The following NEMP2 variants were observed in gnomAD, a reference collection of about 807,000 sequenced individuals.
NEMP2 encodes the protein nuclear envelope integral membrane protein 2.
NEMP2 carries 53 observed loss-of-function variants against 54.2 expected under a neutral mutation model. The observed-to-expected ratio is 0.98, with a 90% CI of 0.78 to 1.23. NEMP2 has a LOEUF of 1.23. Ranked by LOEUF, NEMP2 falls within the 50% of genes most tolerant of loss-of-function variation. The pLI is 0.00. For synonymous variants in NEMP2, 197 were observed against 190.3 expected (o/e 1.04, Z -0.29); for missense variants, 455 against 511.3 (o/e 0.89, Z 1.06).
chr2:190,469,313 A>G, the NEMP2 span, among the ~76,000 whole-genome samples: 2 of 152,150 alleles, frequency 1.3e-5, no homozygotes, highest in African/African-American at 4.8e-5. The surrounding 1 kb of genome is among the most constrained non-coding windows in gnomAD (Gnocchi z 5.3). Context: ...TCGTGTTTAC[A>G]TATTCTCATT....
chr2:190,638,435 C>G, the NEMP2 span, among the ~76,000 whole-genome samples: 1 of 152,042 alleles, frequency 6.6e-6, no homozygotes, highest in South Asian at 2.1e-4. The surrounding 1 kb of genome is among the most constrained non-coding windows in gnomAD (Gnocchi z 5.7). Flanking sequence ...CTGCTTGGTG[C>G]TCAGAGGATC....
chr2:190,449,741 A>G, the NEMP2 span, among the ~76,000 whole-genome samples: 2 of 152,194 alleles, frequency 1.3e-5, no homozygotes, highest in Non-Finnish European at 2.9e-5. Context: ...GGAAATCATC[A>G]TTCTCAGTAA....
At chr2:190,471,901 G>A in the NEMP2 span, among the ~76,000 whole-genome samples, 1 of 152,184 alleles carries the variant, frequency 6.6e-6, no homozygotes, top group Non-Finnish European at 1.5e-5. This position sits in a 1 kb window ranked among gnomAD's most constrained non-coding sequence, Gnocchi z 4.7. Context: ...ACTTCCAGAG[G>A]AACGATCAGG....
the NEMP2 span, among the ~76,000 whole-genome samples, chr2:190,440,993 C>T: frequency 2.0e-3 from 307 of 152,242 alleles, no homozygotes; most frequent in South Asian, 8.5e-3. Flanking sequence ...ATAGTCTGGT[C>T]ACTGGAGGAA....
chr2:190,452,087 T>C, the NEMP2 span, among the ~76,000 whole-genome samples: 3 of 152,174 alleles, frequency 2.0e-5, no homozygotes, highest in Admixed American at 6.5e-5. Flanking sequence ...TGTTTTTTTT[T>C]TCAGCAACTT....
At chr2:190,626,155 A>ATAAAAGTCCTC in the NEMP2 span, 1 of 152,152 alleles carries the variant, frequency 6.6e-6, no homozygotes, top group African/African-American at 2.4e-5. This position sits in a 1 kb window ranked among gnomAD's most constrained non-coding sequence, Gnocchi z 4.5. Context: ...TAAGGGCACT[A>ATAAAAGTCCTC]ATCTTATTCA....
the NEMP2 span, among the ~76,000 whole-genome samples, chr2:190,474,114 G>A: frequency 6.6e-6 from 1 of 152,122 alleles, no homozygotes; most frequent in Non-Finnish European, 1.5e-5. Context: ...GAGAAAGCAG[G>A]AAAGATCCAA....
In NEMP2 at chr2:190,521,177, G is replaced by C. The variant is rs1183497560; in HGVS notation, c.214-1994C>G. ...CATTCTTCCACCCTCTGCAACAAAG[G>C]ATTTCACAACTTCTTCCTCAATACT... On this transcript the variant is annotated intron_variant, in intron 2 of 8. Coordinates refer to ENST00000409150, the MANE Select transcript of NEMP2 (RefSeq NM_001142645.2). This position sits in a 1 kb window ranked among gnomAD's most constrained non-coding sequence, Gnocchi z 6.2. Among the ~76,000 whole-genome samples the C allele has an allele frequency of 6.6e-6, 1 of 152,092 alleles. No homozygotes were observed. The highest frequency in any genetic ancestry group is 1.5e-5 in the Non-Finnish European group (1 of 68,020).
At chr2:190,596,508 C>T in the NEMP2 span, among the ~76,000 whole-genome samples, 1 of 152,140 alleles carries the variant, frequency 6.6e-6, no homozygotes, top group African/African-American at 2.4e-5. The surrounding 1 kb of genome is among the most constrained non-coding windows in gnomAD (Gnocchi z 5.1). Flanking sequence ...GGACCTGTGC[C>T]CCATGTCAGG....
the NEMP2 span, among the ~76,000 whole-genome samples, chr2:190,426,623 C>T: frequency 3.3e-5 from 5 of 152,292 alleles, no homozygotes; most frequent in East Asian, 7.7e-4. This position sits in a 1 kb window ranked among gnomAD's most constrained non-coding sequence, Gnocchi z 4.7. Context: ...AGCCCTCATC[C>T]CCCTCCCATT....
At chr2:190,460,480 T>C in the NEMP2 span, among the ~76,000 whole-genome samples, 4 of 152,198 alleles carry the variant, frequency 2.6e-5, no homozygotes, top group African/African-American at 9.7e-5. Flanking sequence ...TCAATAAGTA[T>C]TTGTTAATTG....
chr2:190,543,081 G>T, the NEMP2 span, among the ~76,000 whole-genome samples: 1 of 152,126 alleles, frequency 6.6e-6, no homozygotes, highest in Non-Finnish European at 1.5e-5. The surrounding 1 kb of genome is among the most constrained non-coding windows in gnomAD (Gnocchi z 4.7). Flanking sequence ...CCCTCCACCC[G>T]TGACTAGGCT....
At chr2:190,568,793 A>T in the NEMP2 span, among the ~76,000 whole-genome samples, 2 of 152,166 alleles carry the variant, frequency 1.3e-5, no homozygotes. This position sits in a 1 kb window ranked among gnomAD's most constrained non-coding sequence, Gnocchi z 4.7. Context: ...TTGCACTCCA[A>T]CCTGAGCAAC....
At chr2:190,447,803 G>A in the NEMP2 span, among the ~76,000 whole-genome samples, 1 of 152,116 alleles carries the variant, frequency 6.6e-6, no homozygotes, top group Non-Finnish European at 1.5e-5. This position sits in a 1 kb window ranked among gnomAD's most constrained non-coding sequence, Gnocchi z 4.5. Flanking sequence ...CTCAAAAATT[G>A]AAGAATTTAT....
the NEMP2 span, among the ~76,000 whole-genome samples, chr2:190,636,881 CTCCCCCTTTA>C: frequency 6.6e-5 from 10 of 152,232 alleles, no homozygotes; most frequent in South Asian, 2.1e-4. Context: ...CAACTTCTTC[CTCCCCCTTTA>C]TCCAGAACAT....
chr2:190,473,539 G>A, the NEMP2 span, among the ~76,000 whole-genome samples: 1 of 152,134 alleles, frequency 6.6e-6, no homozygotes, highest in Non-Finnish European at 1.5e-5. Context: ...AAATATATAT[G>A]CACCCAATAC....
chr2:190,477,299 G>A, the NEMP2 span: 1 of 984,624 alleles, frequency 1.0e-6, no homozygotes, highest in Middle Eastern at 5.2e-4. Flanking sequence ...TCCCACCTCT[G>A]GTTCCTGTTC....
the NEMP2 span, chr2:190,464,801 T>G: frequency 5.8e-6 from 3 of 521,304 alleles, no homozygotes; most frequent in South Asian, 2.4e-4. Flanking sequence ...ACCAAGTAGA[T>G]TTCCTCTTCA....
the NEMP2 span, among the ~76,000 whole-genome samples, chr2:190,587,553 C>G: frequency 6.6e-6 from 1 of 152,130 alleles, no homozygotes; most frequent in Non-Finnish European, 1.5e-5. This position sits in a 1 kb window ranked among gnomAD's most constrained non-coding sequence, Gnocchi z 5.4. Flanking sequence ...CACAGTTCTT[C>G]ACAGTTTGGT....
Sources: gnomAD v4.1 joint callset for allele counts (sites outside exome capture counted in the v4.1 genomes callset) on GRCh38, gnomAD v4.1.1 for gene constraint, Gnocchi (gnomAD v3.1) non-coding constraint, MANE v1.5 for transcripts, NCBI Gene and HGNC (gene_info 2026-07-23, HGNC 2026-07-21) for gene names.